The following LMNB1 variants were observed in gnomAD, a reference collection of about 807,000 sequenced individuals.
The protein encoded by LMNB1 is lamin B1.
Under a neutral mutation model 67.1 loss-of-function variants are expected in LMNB1, and 23 were observed. That is an observed-to-expected ratio of 0.34 (90% confidence interval 0.25 to 0.49). The LOEUF (loss-of-function observed/expected upper bound fraction) is 0.49, where lower values mean the gene tolerates loss of function less well. Among genes scored for constraint, LMNB1 ranks in the 20% least tolerant of loss-of-function variants. The pLI, the probability that LMNB1 is intolerant of heterozygous loss-of-function variation, is 0.99. For synonymous variants in LMNB1, 281 were observed against 282.9 expected (o/e 0.99, Z 0.07); for missense variants, 634 against 746.5 (o/e 0.85, Z 1.76).
intron 1 of LMNB1, among the ~76,000 whole-genome samples, chr5:126,797,812 A>G (rs867705147): frequency 6.6e-6 from 1 of 152,220 alleles, no homozygotes; most frequent in Non-Finnish European, 1.5e-5. Flanking sequence ...GCAGTGGCTC[A>G]TGCTGGTAAT....
chr5:126,835,585 G>T (rs1380003850), intron 10 of LMNB1, among the ~76,000 whole-genome samples: 1 of 152,152 alleles, frequency 6.6e-6, no homozygotes, highest in Non-Finnish European at 1.5e-5. Flanking sequence ...TTGAACAATG[G>T]TTTTCAAATT....
At position 126,807,172 on chromosome 5, in the gene LMNB1, A is replaced by C. The variant is rs114249036; in HGVS notation, c.642+1476A>C. Among the ~76,000 whole-genome samples the C allele has an allele frequency of 3.3e-3, 495 of 152,292 alleles. 2 individuals are homozygous for C. Among genetic ancestry groups the C allele is most frequent in the African/African-American group, 0.011 (466 of 41,562 alleles). ...CGTTGTCAAACAAAGGAAGTAATAA[A>C]ATTGAGGAAAGGGGAATGTATATTT... On this transcript the variant is annotated intron_variant, in intron 3 of 10. Transcript: ENST00000261366.
At chr5:126,808,163 C>T (rs1751498049) in intron 3 of LMNB1, among the ~76,000 whole-genome samples, 1 of 151,046 alleles carries the variant, frequency 6.6e-6, no homozygotes, top group African/African-American at 2.4e-5. Flanking sequence ...TGAGCCACCG[C>T]ACCTGGCCTT....
At position 126,819,119 on chromosome 5, in the gene LMNB1, A is replaced by G; in HGVS notation, c.1137A>G (p.Lys379=). 12 of 1,613,980 alleles carry G rather than the reference A, an allele frequency of 7.4e-6. No individual in the cohort carries two copies. The highest frequency in any genetic ancestry group is 1.0e-5 in the Non-Finnish European group (12 of 1,179,916). Reference sequence around the variant, plus strand: ...ACATGGAAATCAGTGCTTACAGGAAACTCTTAGAAGGCGAAGAAGAGAGGT... The same window carrying G: ...ACATGGAAATCAGTGCTTACAGGAAGCTCTTAGAAGGCGAAGAAGAGAGGT... ...ALDMEISAYR[K]LLEGEEERLK... Residue 379 remains lysine, a synonymous_variant, in exon 6 of 11, where the codon AAA becomes AAG. Coordinates refer to ENST00000261366, the MANE Select transcript of LMNB1 (RefSeq NM_005573.4).
chr5:126,823,988 A>G (rs935695384), intron 8 of LMNB1, among the ~76,000 whole-genome samples: 2 of 152,226 alleles, frequency 1.3e-5, no homozygotes, highest in African/African-American at 4.8e-5. Context: ...CAGAAGTAAT[A>G]TGGAAGCCTT....
intron 1 of LMNB1, among the ~76,000 whole-genome samples, chr5:126,783,708 A>G (rs1750689424): frequency 6.6e-6 from 1 of 152,160 alleles, no homozygotes; most frequent in South Asian, 2.1e-4. Flanking sequence ...AGCACTATTA[A>G]AATATGGTGG....
chr5:126,809,642 A>G (rs1242794360), intron 3 of LMNB1, among the ~76,000 whole-genome samples: 2 of 152,236 alleles, frequency 1.3e-5, no homozygotes, highest in African/African-American at 4.8e-5. Context: ...AGCTGAGATC[A>G]TACCATTGCA....
chr5:126,810,058 G>A (rs889487044), intron 3 of LMNB1, 122 bp from the exon 4 acceptor site: 29 of 827,090 alleles, frequency 3.5e-5, no homozygotes, highest in Middle Eastern at 3.2e-4. Flanking sequence ...TCACATGACC[G>A]CCTGAGGACA....
chr5:126,789,607 A>G (rs1379377941), intron 1 of LMNB1, among the ~76,000 whole-genome samples: 1 of 152,186 alleles, frequency 6.6e-6, no homozygotes, highest in African/African-American at 2.4e-5. Flanking sequence ...CTCTTTAGCC[A>G]TGAAATCCTT....
At chr5:126,807,403 A>G (rs894340584) in intron 3 of LMNB1, among the ~76,000 whole-genome samples, 5 of 152,250 alleles carry the variant, frequency 3.3e-5, no homozygotes, top group African/African-American at 9.6e-5. Context: ...AACAAAATAG[A>G]TATTAGTGCA....
At chr5:126,804,230 G>A (rs1751357628) in intron 1 of LMNB1, among the ~76,000 whole-genome samples, 1 of 141,278 alleles carries the variant, frequency 7.1e-6, no homozygotes, top group Admixed American at 7.6e-5. Context: ...GTGCCACTGT[G>A]CCAGGCTCTT....
chr5:126,796,810 A>G lies in LMNB1; in HGVS notation c.360-7966A>G, dbSNP rs1194262443. ...TCTTTTTTTTTTTTTTTTTTTTGAGATAGAGCTTCGCTCTTTGACCCAGTT... is the reference window on the plus strand; with the variant it reads ...TCTTTTTTTTTTTTTTTTTTTTGAGGTAGAGCTTCGCTCTTTGACCCAGTT... On this transcript the variant is annotated intron_variant, in intron 1 of 10. Transcript: ENST00000261366. 1.2e-4 allele frequency among the ~76,000 whole-genome samples: 13 copies of G among 112,980 alleles called. No homozygotes were observed. In the Admixed American group the frequency reaches 1.5e-3, roughly 13 times the overall value. 74.1% of individuals were successfully genotyped at this position (112,980 alleles called of 152,430 possible).
chr5:126,805,837 A>G (rs1751403699), intron 3 of LMNB1, 141 bp downstream of exon 3: 4 of 635,714 alleles, frequency 6.3e-6, no homozygotes, highest in South Asian at 3.7e-5. Flanking sequence ...AGGTTTGGGG[A>G]TGGGGAGAAA....
intron 3 of LMNB1, among the ~76,000 whole-genome samples, chr5:126,806,237 G>A (rs979429330): frequency 6.6e-6 from 1 of 152,226 alleles, no homozygotes; most frequent in Non-Finnish European, 1.5e-5. Context: ...ACAGGTGTGA[G>A]CCACCACATC....
Position 126,821,117 on chromosome 5 carries a change from G to C in LMNB1, c.1368G>C (p.Leu456Phe), listed in dbSNP as rs1295321751. ...ATGTTGATGGGAAATTTATCCGCTT[G>C]AAGAACACTTCTGAACAGGTAATAA... Reference protein sequence around the residue: ...EIDVDGKFIRLKNTSEQDQPM... With the variant: ...EIDVDGKFIRFKNTSEQDQPM... The change falls in exon 7 of 11, where the codon TTG (leucine) becomes TTC (phenylalanine). Residue 456 changes from leucine (L) to phenylalanine (F), a missense_variant. By Grantham distance (22) the Leu-to-Phe change is conservative. Transcript: ENST00000261366. The C allele has an allele frequency of 1.2e-6, 2 of 1,612,236 alleles. No homozygotes were observed. The highest frequency in any genetic ancestry group is 1.7e-6 in the Non-Finnish European group (2 of 1,178,530).
intron 1 of LMNB1, among the ~76,000 whole-genome samples, chr5:126,797,823 C>T (rs898731119): frequency 6.6e-6 from 1 of 152,152 alleles, no homozygotes; most frequent in Non-Finnish European, 1.5e-5. Flanking sequence ...TGCTGGTAAT[C>T]GCAGCACTTC....
intron 1 of LMNB1, among the ~76,000 whole-genome samples, chr5:126,789,634 C>T (rs775183056): frequency 2.6e-5 from 4 of 152,170 alleles, no homozygotes; most frequent in African/African-American, 4.8e-5. Flanking sequence ...GTCCCGTTTA[C>T]TGTGATCCTC....
At position 126,788,511 on chromosome 5, in the gene LMNB1, C is replaced by A. The variant is rs141637450; in HGVS notation, c.359+10644C>A. Among the ~76,000 whole-genome samples, 96 of 152,222 alleles carry A rather than the reference C, an allele frequency of 6.3e-4. 1 individual carries two copies. In the East Asian group the frequency reaches 0.018, roughly 29 times the overall value. On this transcript the variant is annotated intron_variant, in intron 1 of 10. Coordinates refer to ENST00000261366, the MANE Select transcript of LMNB1 (RefSeq NM_005573.4). ...AATTAGCCAGGCGTGGTTGCACATG[C>A]CTTTAATCTCAACTACTGTGGAGGC...
chr5:126,800,004 A>G (rs1013820909), intron 1 of LMNB1, among the ~76,000 whole-genome samples: 7 of 152,168 alleles, frequency 4.6e-5, no homozygotes, highest in Non-Finnish European at 8.8e-5. Flanking sequence ...TAGATTGACT[A>G]TTTGGGTCTC....
Sources: allele counts gnomAD v4.1 joint callset (sites outside exome capture counted in the v4.1 genomes callset), GRCh38; gene constraint gnomAD v4.1.1; transcripts MANE v1.5; gene names NCBI Gene and HGNC (gene_info 2026-07-23, HGNC 2026-07-21).